The following MSRA variants were observed in gnomAD, a reference collection of about 807,000 sequenced individuals.
MSRA encodes the protein methionine sulfoxide reductase A.
Under a neutral mutation model 31.3 loss-of-function variants are expected in MSRA, and 54 were observed. That is an observed-to-expected ratio of 1.73 (90% CI 1.39 to 2.17). The LOEUF (loss-of-function observed/expected upper bound fraction) is 2.17. Among genes scored for constraint, MSRA ranks in the 30% most tolerant of loss-of-function variants. The probability of loss-of-function intolerance (pLI) is 0.00; values close to 1 mark genes in which losing one functional copy is unlikely to be tolerated. For synonymous variants in MSRA, 169 were observed against 116.5 expected (o/e 1.45, Z -2.90); for missense variants, 507 against 300.9 (o/e 1.69, Z -5.07).
intron 3 of MSRA, among the ~76,000 whole-genome samples, chr8:10,300,832 A>G (rs1315613101): frequency 6.6e-6 from 1 of 152,192 alleles, no homozygotes; most frequent in Non-Finnish European, 1.5e-5. Flanking sequence ...AGGTACAAGC[A>G]GTACTGCAAA....
At chr8:10,094,364 A>T (rs1305096231) in intron 1 of MSRA, among the ~76,000 whole-genome samples, 1 of 152,244 alleles carries the variant, frequency 6.6e-6, no homozygotes, top group African/African-American at 2.4e-5. Flanking sequence ...GAGTTTTCTT[A>T]GATAAATGAC....
intron 1 of MSRA, among the ~76,000 whole-genome samples, chr8:10,199,747 ATG>A (rs1808335700): frequency 6.6e-6 from 1 of 152,312 alleles, no homozygotes; most frequent in African/African-American, 2.4e-5. Context: ...TCTATTAAAA[ATG>A]TGTCCTCATC....
At chr8:10,091,765 C>T (rs535802980) in intron 1 of MSRA, among the ~76,000 whole-genome samples, 2 of 152,240 alleles carry the variant, frequency 1.3e-5, no homozygotes, top group African/African-American at 4.8e-5. Flanking sequence ...TGCCACCACA[C>T]CCCGCTAATT....
At chr8:10,341,691 T>C (rs1803436119) in intron 5 of MSRA, among the ~76,000 whole-genome samples, 1 of 152,190 alleles carries the variant, frequency 6.6e-6, no homozygotes, top group Admixed American at 6.5e-5. Flanking sequence ...TCAGCCTGTT[T>C]CCTAATCTAT....
At chr8:10,307,169 ATTT>A (rs5889329) in intron 4 of MSRA, among the ~76,000 whole-genome samples, 172 of 133,024 alleles carry the variant, frequency 1.3e-3, no homozygotes, top group Middle Eastern at 3.9e-3. Context: ...AAGGATGCAC[ATTT>A]TTTTTTTTTT....
intron 2 of MSRA, among the ~76,000 whole-genome samples, chr8:10,236,611 C>A (rs1484159185): frequency 6.6e-6 from 1 of 152,218 alleles, no homozygotes; most frequent in Non-Finnish European, 1.5e-5. Context: ...GTGGTGGAAT[C>A]TCAGCTCGCT....
At chr8:10,345,337 T>C (rs1302378508) in intron 5 of MSRA, among the ~76,000 whole-genome samples, 2 of 152,150 alleles carry the variant, frequency 1.3e-5, no homozygotes, top group Non-Finnish European at 2.9e-5. Flanking sequence ...TTACTAAGCA[T>C]GTAAGGAGGG....
intron 3 of MSRA, among the ~76,000 whole-genome samples, chr8:10,292,325 A>G (rs1173169800): frequency 1.3e-5 from 2 of 152,208 alleles, no homozygotes; most frequent in Non-Finnish European, 2.9e-5. Flanking sequence ...GTCTTTATTA[A>G]CATCACATCA....
chr8:10,172,653 A>G (rs536508517), intron 1 of MSRA, among the ~76,000 whole-genome samples: 8 of 152,332 alleles, frequency 5.3e-5, no homozygotes, highest in African/African-American at 7.2e-5. Context: ...GTAAATACCA[A>G]TTGGAAGTTG....
intron 1 of MSRA, among the ~76,000 whole-genome samples, chr8:10,101,239 C>A (rs905684320): frequency 1.3e-5 from 2 of 152,132 alleles, no homozygotes; most frequent in South Asian, 2.1e-4. Flanking sequence ...GTATTTCCCT[C>A]ACACGATTTT....
At chr8:10,178,237 A>G (rs149044091) in intron 1 of MSRA, among the ~76,000 whole-genome samples, 8 of 152,156 alleles carry the variant, frequency 5.3e-5, no homozygotes, top group African/African-American at 1.9e-4. Flanking sequence ...TTCCTGATAG[A>G]TTTCGCTTAG....
intron 4 of MSRA, among the ~76,000 whole-genome samples, chr8:10,303,021 C>T (rs1015868162): frequency 1.3e-5 from 2 of 152,194 alleles, no homozygotes; most frequent in South Asian, 2.1e-4. Context: ...GACAGCCAGT[C>T]GCTCCTTCTG....
intron 1 of MSRA, among the ~76,000 whole-genome samples, chr8:10,144,623 CT>C (rs1265657483): frequency 6.6e-6 from 1 of 150,820 alleles, no homozygotes; most frequent in African/African-American, 2.4e-5. Context: ...CCTCTCCCTG[CT>C]TTTTTTCCTT....
chr8:10,153,566 G>A (rs1231687646), intron 1 of MSRA, among the ~76,000 whole-genome samples: 1 of 152,170 alleles, frequency 6.6e-6, no homozygotes, highest in African/African-American at 2.4e-5. Flanking sequence ...GTCACTGGGT[G>A]AGGTAGAGAT....
intron 5 of MSRA, among the ~76,000 whole-genome samples, chr8:10,412,075 A>T (rs905094863): frequency 2.0e-5 from 3 of 152,276 alleles, no homozygotes; most frequent in Non-Finnish European, 4.4e-5. Context: ...CTTTTAGAAT[A>T]TATGATACTT....
intron 3 of MSRA, among the ~76,000 whole-genome samples, chr8:10,289,077 A>G (rs1800090963): frequency 6.6e-6 from 1 of 151,272 alleles, no homozygotes; most frequent in Admixed American, 6.6e-5. Context: ...GTGCAGTGGC[A>G]TGATCTCGGC....
chr8:10,083,755 T>A (rs1365798365), intron 1 of MSRA, among the ~76,000 whole-genome samples: 6 of 152,190 alleles, frequency 3.9e-5, no homozygotes, highest in Non-Finnish European at 8.8e-5. Flanking sequence ...TTTTGAAGAT[T>A]TAAGGTAATA....
chr8:10,062,088 G>A (rs376095943), intron 1 of MSRA, among the ~76,000 whole-genome samples: 1 of 152,232 alleles, frequency 6.6e-6, no homozygotes, highest in African/African-American at 2.4e-5. Context: ...TGGGTCTTAT[G>A]AGGGTGAGTG....
rs144146726 is a variant in MSRA at position 10,213,735 on chromosome 8, C to T, written c.211+5834C>T. On this transcript the variant is annotated intron_variant, in intron 2 of 5. Transcript: ENST00000317173. ...TCTTTGCCATTCTTCTGTGGATGGA[C>T]ACTTAGGTTGCTTCCAAATCTTGGT... is the stretch of plus-strand genomic sequence containing the variant. 2.6e-5 allele frequency among the ~76,000 whole-genome samples: 4 copies of T among 152,208 alleles called. No homozygotes were observed. The East Asian group carries it at 5.8e-4, about 22-fold the overall frequency.
Sources: gnomAD v4.1 joint callset for allele counts (sites outside exome capture counted in the v4.1 genomes callset) on GRCh38, gnomAD v4.1.1 for gene constraint, MANE v1.5 for transcripts, NCBI Gene and HGNC (gene_info 2026-07-23, HGNC 2026-07-21) for gene names.